Variants in EVI5 observed in about 807,000 individuals in gnomAD.
EVI5 encodes ecotropic viral integration site 5.
A neutral mutation model predicts 112.0 loss-of-function variants in EVI5; 73 were observed. The observed-to-expected ratio is 0.65, with a 90% CI of 0.54 to 0.79. The LOEUF is 0.79. Ranked by LOEUF, EVI5 falls within the 30% of genes least tolerant of loss-of-function variation. EVI5 has a pLI of 0.00. For missense variants in EVI5, 900 were observed against 968.8 expected (o/e 0.93, Z 0.94); for synonymous variants, 305 against 319.9 (o/e 0.95, Z 0.50).
intron 10 of EVI5, among the ~76,000 whole-genome samples, chr1:92,674,044 T>C (rs1036908749): frequency 6.6e-6 from 1 of 152,182 alleles, no homozygotes; most frequent in Non-Finnish European, 1.5e-5. Context: ...TATCTTCCCA[T>C]GGACTTTTAA....
At chr1:92,776,895 C>T (rs541558290) in intron 1 of EVI5, among the ~76,000 whole-genome samples, 5 of 152,006 alleles carry the variant, frequency 3.3e-5, no homozygotes, top group South Asian at 4.2e-4. Context: ...CTCCGCCTCC[C>T]GGGTTCACGC....
rs1045887561 is a variant in EVI5 at position 92,703,336 on chromosome 1, T to A, written c.564+59A>T. The A allele has an allele frequency of 6.7e-6, 7 of 1,040,236 alleles. No individual in the cohort carries two copies. The Admixed American group carries it at 1.5e-4, about 22-fold the overall frequency. 64.4% of individuals were successfully genotyped at this position (1,040,236 alleles called of 1,614,324 possible). ...AGGTCATGCTTCATCATGAAAAATGTATAATTTCAACCTTCCAGGAATTCA... is the reference window on the plus strand; with the variant it reads ...AGGTCATGCTTCATCATGAAAAATGAATAATTTCAACCTTCCAGGAATTCA... On this transcript the variant is annotated intron_variant, in intron 4 of 19. Transcript: ENST00000684568.
In EVI5 at chr1:92,748,927, G is replaced by A. The variant is rs528353454; in HGVS notation, c.-81-12300C>T. 4.6e-5 allele frequency among the ~76,000 whole-genome samples: 7 copies of A among 152,034 alleles called. No individual in the cohort carries two copies. The South Asian group carries it at 6.2e-4, about 14-fold the overall frequency. On this transcript the variant is annotated intron_variant, in intron 1 of 19. Coordinates refer to ENST00000684568, the MANE Select transcript of EVI5 (RefSeq NM_001350197.2). ...CTAAAAATACAAAAATTAGCTGGGC[G>A]TGGTGGCGTATATGTGTAATCCCAG...
chr1:92,734,997 A>G (rs1435049039), intron 2 of EVI5, among the ~76,000 whole-genome samples: 3 of 152,246 alleles, frequency 2.0e-5, no homozygotes, highest in Admixed American at 2.0e-4. Context: ...ACAAGGATGT[A>G]GAAGAACTGG....
At chr1:92,582,601 G>A (rs1168646865) in intron 18 of EVI5, among the ~76,000 whole-genome samples, 1 of 152,160 alleles carries the variant, frequency 6.6e-6, no homozygotes, top group African/African-American at 2.4e-5. Flanking sequence ...AGAACTAACT[G>A]GTGAAGGAGA....
rs1318454632 is a variant in EVI5 at position 92,548,321 on chromosome 1, T to A, written c.2166+15321A>T. Among the ~76,000 whole-genome samples, 8 of 150,216 alleles carry A rather than the reference T, an allele frequency of 5.3e-5. No individual in the cohort carries two copies. In the Admixed American group the frequency reaches 5.3e-4, roughly 10 times the overall value. ...AGCCCTTCATGCTAAAAACTCTCAATAAATTCGGTATTGATTGGACGTATC... is the reference window on the plus strand; with the variant it reads ...AGCCCTTCATGCTAAAAACTCTCAAAAAATTCGGTATTGATTGGACGTATC... On this transcript the variant is annotated intron_variant, in intron 19 of 19. Transcript: ENST00000684568.
At chr1:92,644,697 T>C (rs1431816268) in intron 13 of EVI5, among the ~76,000 whole-genome samples, 1 of 152,190 alleles carries the variant, frequency 6.6e-6, no homozygotes, top group Non-Finnish European at 1.5e-5. Context: ...ATTAGATGTG[T>C]CCCACAAATT....
chr1:92,774,414 T>C (rs1029204613), intron 1 of EVI5, among the ~76,000 whole-genome samples: 1 of 152,228 alleles, frequency 6.6e-6, no homozygotes, highest in Non-Finnish European at 1.5e-5. Context: ...ACTGGATTCA[T>C]TTCTGACATA....
chr1:92,717,724 G>T (rs1673994620), intron 2 of EVI5, among the ~76,000 whole-genome samples: 1 of 152,092 alleles, frequency 6.6e-6, no homozygotes, highest in Non-Finnish European at 1.5e-5. Context: ...TGGGCTAAAT[G>T]CTCCAATTAA....
intron 18 of EVI5, among the ~76,000 whole-genome samples, chr1:92,600,391 T>C (rs1438114448): frequency 4.4e-5 from 1 of 22,504 alleles, no homozygotes; most frequent in African/African-American, 2.4e-4. Context: ...TTTGTACACA[T>C]ACAATGTAAC....
At chr1:92,528,577 A>T (rs192208981) in intron 19 of EVI5, among the ~76,000 whole-genome samples, 1 of 152,356 alleles carries the variant, frequency 6.6e-6, no homozygotes, top group East Asian at 1.9e-4. Flanking sequence ...AGTCAAATGC[A>T]CAAACTACAA....
chr1:92,616,008 T>C (rs1017812713), intron 16 of EVI5, among the ~76,000 whole-genome samples: 5 of 152,224 alleles, frequency 3.3e-5, no homozygotes, highest in African/African-American at 1.2e-4. Context: ...CATTCAATGT[T>C]GCAACTTGGG....
At chr1:92,718,044 G>C (rs1032091507) in intron 2 of EVI5, among the ~76,000 whole-genome samples, 1 of 152,138 alleles carries the variant, frequency 6.6e-6, no homozygotes, top group Non-Finnish European at 1.5e-5. Context: ...GATTCAAAAA[G>C]CAAGTCCTGA....
At position 92,513,525 on chromosome 1, in the gene EVI5, A is replaced by C; in HGVS notation, c.*131T>G. 9.1e-5 allele frequency: 2 copies of C among 22,082 alleles called. No individual in the cohort carries two copies. Among genetic ancestry groups the C allele is most frequent in the Non-Finnish European group, 1.5e-4 (2 of 13,214 alleles). 1.4% of individuals were successfully genotyped at this position (22,082 alleles called of 1,614,324 possible). A position where few individuals can be genotyped will look rare whatever the true frequency, so the allele number is the denominator to read the frequency against. ...AAGACTGTAAAATATATATATATATATATATATATATATATATATATATAT... is the reference window on the plus strand; with the variant it reads ...AAGACTGTAAAATATATATATATATCTATATATATATATATATATATATAT... On this transcript the variant is annotated 3_prime_UTR_variant, in exon 20 of 20. Transcript: ENST00000684568.
chr1:92,634,387 C>A (rs907503526), intron 14 of EVI5, among the ~76,000 whole-genome samples: 17 of 152,198 alleles, frequency 1.1e-4, no homozygotes, highest in South Asian at 2.1e-4. Flanking sequence ...TCTTTTTATT[C>A]TTTTTTCTCC....
At chr1:92,652,117 C>T (rs542596724) in intron 13 of EVI5, among the ~76,000 whole-genome samples, 27 of 152,188 alleles carry the variant, frequency 1.8e-4, no homozygotes, top group Non-Finnish European at 2.6e-4. Context: ...AACAAACAAA[C>T]GGATGAACAA....
chr1:92,703,698 T>G (rs1297704237), intron 3 of EVI5, 79 bp from the exon 4 acceptor site: 4 of 818,376 alleles, frequency 4.9e-6, no homozygotes, highest in Non-Finnish European at 7.6e-6. Context: ...ATTAGGGGGT[T>G]GGAATGAAGT....
intron 2 of EVI5, among the ~76,000 whole-genome samples, chr1:92,717,578 C>G (rs1673955331): frequency 6.6e-6 from 1 of 152,124 alleles, no homozygotes; most frequent in Non-Finnish European, 1.5e-5. Context: ...CGTTACCAGC[C>G]TCTGCAAAAA....
chr1:92,571,177 A>G (rs1670273537), intron 18 of EVI5, among the ~76,000 whole-genome samples: 1 of 149,326 alleles, frequency 6.7e-6, no homozygotes, highest in African/African-American at 2.5e-5. Context: ...GGTGAGGCAC[A>G]CATACATAAA....
Sources: gnomAD v4.1 joint callset for allele counts (sites outside exome capture counted in the v4.1 genomes callset) on GRCh38, gnomAD v4.1.1 for gene constraint, MANE v1.5 for transcripts, NCBI Gene and HGNC (gene_info 2026-07-23, HGNC 2026-07-21) for gene names.